Variants in CD53 observed in about 807,000 individuals in gnomAD.
CD53 encodes leukocyte surface antigen CD53.
Under a neutral mutation model 27.3 loss-of-function variants are expected in CD53, and 20 were observed. The ratio of observed to expected loss-of-function variants is 0.73; its 90% CI spans 0.52 to 1.07. The LOEUF (loss-of-function observed/expected upper bound fraction) is 1.07. Ranked by LOEUF, CD53 falls within the 50% of genes least tolerant of loss-of-function variation. The pLI, the probability that CD53 is intolerant of heterozygous loss-of-function variation, is 0.00. For synonymous variants in CD53, 106 were observed against 105.3 expected (o/e 1.01, Z -0.04); for missense variants, 216 against 264.0 (o/e 0.82, Z 1.26).
chr1:110,898,024 G>T, intron 7 of CD53, 132 bp downstream of exon 7: 1 of 505,474 alleles, frequency 2.0e-6, no homozygotes, highest in Non-Finnish European at 3.5e-6. Context: ...AATTCCCCCA[G>T]CCAAGTAGCA....
At chr1:110,898,893 C>A (rs1478438121) in intron 7 of CD53, among the ~76,000 whole-genome samples, 2 of 152,158 alleles carry the variant, frequency 1.3e-5, no homozygotes, top group Non-Finnish European at 2.9e-5. Context: ...GAAGATAAAA[C>A]ATGCTCCAGT....
chr1:110,879,838 G>C (rs758932617), intron 1 of CD53, among the ~76,000 whole-genome samples: 4 of 152,108 alleles, frequency 2.6e-5, no homozygotes, highest in Non-Finnish European at 5.9e-5. Context: ...AAATGGCTGG[G>C]ATTACAGGTG....
At position 110,892,483 on chromosome 1, in the gene CD53, T is replaced by C; in HGVS notation, c.202T>C (p.Phe68Leu). ...IVGSIIMVVAFLGCMGSIKEN... is the reference protein window; with the variant it reads ...IVGSIIMVVALLGCMGSIKEN... ...GGGCTCTATTATCATGGTAGTTGCCTTCCTGGGCTGCATGGGCTCTATCAA... is the reference window on the plus strand; with the variant it reads ...GGGCTCTATTATCATGGTAGTTGCCCTCCTGGGCTGCATGGGCTCTATCAA... Residue 68 changes from phenylalanine to leucine, a missense_variant, in exon 3 of 8, where the codon TTC (phenylalanine) becomes CTC (leucine). Transcript: ENST00000271324. 2 of 1,614,184 alleles carry C rather than the reference T, an allele frequency of 1.2e-6. No individual in the cohort carries two copies.
intron 5 of CD53, among the ~76,000 whole-genome samples, 190 bp downstream of exon 5, chr1:110,895,245 T>G (rs1266108941): frequency 1.3e-5 from 2 of 152,218 alleles, no homozygotes; most frequent in African/African-American, 2.4e-5. Flanking sequence ...GTTCTCTACA[T>G]TCTCTCTTTC....
chr1:110,872,416 T>C (rs539187750), upstream of CD53, among the ~76,000 whole-genome samples: 21 of 152,332 alleles, frequency 1.4e-4, no homozygotes, highest in Middle Eastern at 3.4e-3. Context: ...AGGATTATTA[T>C]TAGGTGTTAC....
intron 1 of CD53, among the ~76,000 whole-genome samples, chr1:110,877,487 T>C (rs1305600678): frequency 6.6e-6 from 1 of 152,200 alleles, no homozygotes; most frequent in Non-Finnish European, 1.5e-5. Context: ...TAACTGTTCC[T>C]GATTTACGAA....
rs1263576421 is a variant in CD53, at chr1:110,873,148, A to G, written c.-118A>G. ...TTTCACCCTTCACTTCTCCTTTTAC[A>G]CAAATAGCCCCGGATATCTGTGTTA... On this transcript the variant is annotated 5_prime_UTR_variant, in exon 1 of 8. Transcript: ENST00000271324. 1.3e-5 allele frequency: 2 copies of G among 152,504 alleles called. No homozygotes were observed. Among genetic ancestry groups the G allele is most frequent in the African/African-American group, 4.8e-5 (2 of 41,404 alleles). 9.4% of individuals were successfully genotyped at this position (152,504 alleles called of 1,614,324 possible).
intron 1 of CD53, among the ~76,000 whole-genome samples, chr1:110,889,369 A>C (rs1426106748): frequency 6.6e-6 from 1 of 151,784 alleles, no homozygotes; most frequent in Non-Finnish European, 1.5e-5. Context: ...AGCCTGGCCA[A>C]CATGGTGAAA....
intron 6 of CD53, 199 bp from the exon 7 acceptor site, chr1:110,897,610 A>C (rs867557189): frequency 5.9e-5 from 28 of 474,168 alleles, no homozygotes; most frequent in African/African-American, 5.1e-4. Context: ...TGTAATGATA[A>C]CACCACCAGA....
chr1:110,891,813 C>G, intron 2 of CD53, among the ~76,000 whole-genome samples: 1 of 152,072 alleles, frequency 6.6e-6, no homozygotes, highest in Non-Finnish European at 1.5e-5. Flanking sequence ...TTTCTAGATT[C>G]CTTGAAACAA....
At chr1:110,890,102 C>G (rs550636022) in intron 1 of CD53, among the ~76,000 whole-genome samples, 1 of 152,234 alleles carries the variant, frequency 6.6e-6, no homozygotes, top group South Asian at 2.1e-4. Context: ...TTCCCAGGTA[C>G]CTTGAAACTG....
chr1:110,871,814 T>TACAC (rs3068856), upstream of CD53, among the ~76,000 whole-genome samples: 41,585 of 145,440 alleles, frequency 0.29, 6,236 homozygotes, highest in Admixed American at 0.43. Context: ...CAAGAGAAAC[T>TACAC]ACACACACAC....
At chr1:110,880,282 T>C (rs1226398235) in intron 1 of CD53, 3 of 152,216 alleles carry the variant, frequency 2.0e-5, no homozygotes, top group African/African-American at 7.2e-5. Flanking sequence ...GGAGCAGCAT[T>C]CTCTCTGGGG....
At chr1:110,872,779 A>C (rs2101032477), upstream of CD53, among the ~76,000 whole-genome samples, 1 of 152,296 alleles carries the variant, frequency 6.6e-6, no homozygotes, top group Admixed American at 6.5e-5. Context: ...CAGTCTGTCT[A>C]CCTGAATGGG....
chr1:110,874,593 G>C lies in CD53; in HGVS notation c.-18+1345G>C, dbSNP rs113121640. Among the ~76,000 whole-genome samples, 19 of 152,340 alleles carry C rather than the reference G, an allele frequency of 1.2e-4. 1 individual carries two copies. Among genetic ancestry groups the C allele is most frequent in the African/African-American group, 4.6e-4 (19 of 41,578 alleles). The stretch of plus-strand genomic sequence containing the variant: ...AGAATCTGTACTATTTTGAAATTGT[G>C]GTTGAATGGGAGCAAAGACTGAACT... On this transcript the variant is annotated intron_variant, in intron 1 of 7. Coordinates refer to ENST00000271324, the MANE Select transcript of CD53 (RefSeq NM_000560.4).
chr1:110,895,973 A>G (rs1264736797), intron 5 of CD53, among the ~76,000 whole-genome samples: 1 of 152,188 alleles, frequency 6.6e-6, no homozygotes, highest in Non-Finnish European at 1.5e-5. Flanking sequence ...CTATAATTAA[A>G]TTTCCCTAAT....
At chr1:110,891,350 T>C (rs1357003878) in intron 1 of CD53, 42 bp from the exon 2 acceptor site, 11 of 1,297,038 alleles carry the variant, frequency 8.5e-6, no homozygotes, top group Admixed American at 1.7e-5. Flanking sequence ...CTGGCTACCT[T>C]ACAGAGTGAG....
intron 1 of CD53, among the ~76,000 whole-genome samples, chr1:110,888,470 C>T (rs1398010341): frequency 6.6e-6 from 1 of 152,200 alleles, no homozygotes; most frequent in African/African-American, 2.4e-5. Context: ...TTTCCCGTCT[C>T]TCATGGGTCC....
chr1:110,894,139 C>T (rs1656964853), intron 3 of CD53, among the ~76,000 whole-genome samples, 188 bp from the exon 4 acceptor site: 2 of 152,082 alleles, frequency 1.3e-5, no homozygotes, highest in Non-Finnish European at 2.9e-5. Context: ...GTTGATCTGC[C>T]CTCTAGAGTC....
Sources: allele counts gnomAD v4.1 joint callset (sites outside exome capture counted in the v4.1 genomes callset), GRCh38; gene constraint gnomAD v4.1.1; transcripts MANE v1.5; gene names NCBI Gene and HGNC (gene_info 2026-07-23, HGNC 2026-07-21).